TMEM119: variants seen among roughly 807,000 people sequenced by gnomAD.
TMEM119 encodes the protein transmembrane protein 119, also known as osteoblast induction factor.
For synonymous variants in TMEM119, 182 were observed against 176.4 expected (o/e 1.03, Z -0.25); for missense variants, 410 against 381.0 (o/e 1.08, Z -0.63).
At chr12:108,596,591 G>A (rs2031508835) in intron 1 of TMEM119, among the ~76,000 whole-genome samples, 1 of 152,172 alleles carries the variant, frequency 6.6e-6, no homozygotes, top group African/African-American at 2.4e-5. Context: ...ACGTATGGAG[G>A]ACCCAGCCCC....
At position 108,598,020 on chromosome 12, in the gene TMEM119, G is replaced by C. The variant is rs1180977772; in HGVS notation, c.-65C>G. On this transcript the variant is annotated 5_prime_UTR_variant, in exon 1 of 2. Transcript: ENST00000392806. ...TGCTCCCGCCGAATGGAGCGAGAGTGGGGGGCACCTGGGCTGGAAGAGAGA... is the reference window on the plus strand; with the variant it reads ...TGCTCCCGCCGAATGGAGCGAGAGTCGGGGGCACCTGGGCTGGAAGAGAGA... The C allele has an allele frequency of 2.6e-5, 4 of 152,376 alleles. No individual in the cohort carries two copies. The highest frequency in any genetic ancestry group is 5.9e-5 in the Non-Finnish European group (4 of 68,184). The allele number at this position is 152,376 out of a possible 1,614,324, so 9.4% of individuals were successfully genotyped here. A position where few individuals can be genotyped will look rare whatever the true frequency, so the allele number is the denominator to read the frequency against.
In TMEM119 at chr12:108,591,342, G is replaced by T; in HGVS notation, c.*190C>A. The T allele has an allele frequency of 1.6e-6, 1 of 639,278 alleles. No individual in the cohort carries two copies. The highest frequency in any genetic ancestry group is 2.6e-6 in the Non-Finnish European group (1 of 387,978). The allele number at this position is 639,278 out of a possible 1,614,324, so 39.6% of individuals were successfully genotyped here. A position where few individuals can be genotyped will look rare whatever the true frequency, so the allele number is the denominator to read the frequency against. On this transcript the variant is annotated 3_prime_UTR_variant, in exon 2 of 2. Transcript: ENST00000392806. The surrounding 1 kb of genome is among the most constrained non-coding windows in gnomAD (Gnocchi z 4.2). ...GCTGAGGTGAAGGATGATGGCACTT[G>T]GTAAGATTCCTCCGGGGCACCGGGG...
intron 1 of TMEM119, among the ~76,000 whole-genome samples, chr12:108,597,089 C>T (rs1469138112): frequency 6.6e-6 from 1 of 152,216 alleles, no homozygotes; most frequent in African/African-American, 2.4e-5. Flanking sequence ...TGCCAATTAG[C>T]AGGTACCACG....
rs946182364 is a variant in TMEM119 at position 108,592,217 on chromosome 12, G to A, written c.167C>T (p.Pro56Leu). The A allele has an allele frequency of 6.2e-7, 1 of 1,612,866 alleles. No individual in the cohort carries two copies. The highest frequency in any genetic ancestry group is 1.7e-5 in the Admixed American group (1 of 59,946). The change falls in exon 2 of 2, where the codon CCA becomes CTA. Residue 56 changes from proline (P) to leucine (L), a missense_variant. Coordinates refer to ENST00000392806, the MANE Select transcript of TMEM119 (RefSeq NM_181724.3). The surrounding 1 kb of genome is among the most constrained non-coding windows in gnomAD (Gnocchi z 4.3). ...GSSASSPSLP[P>L]PWTPALSPTS... ...GGGGCTGAGGGCCGGGGTCCAGGGT[G>A]GCGGGAGGCTCGGGGAGGAGGCCGA...
intron 1 of TMEM119, among the ~76,000 whole-genome samples, chr12:108,597,126 G>T (rs1177102753): frequency 6.6e-6 from 1 of 152,194 alleles, no homozygotes; most frequent in Non-Finnish European, 1.5e-5. Context: ...CCTGCCTGGG[G>T]ACATGTCAGG....
chr12:108,591,785 A>C lies in TMEM119; in HGVS notation c.599T>G (p.Val200Gly), dbSNP rs776533373. 6.3e-7 allele frequency: 1 copy of C among 1,590,448 alleles called. No individual in the cohort carries two copies. Among genetic ancestry groups the C allele is most frequent in the Non-Finnish European group, 8.6e-7 (1 of 1,167,922 alleles). The change falls in exon 2 of 2, where the codon GTG becomes GGG. Residue 200 changes from valine (V) to glycine (G), a missense_variant. By Grantham distance (109) the Val-to-Gly change is moderately radical. Coordinates refer to ENST00000392806, the MANE Select transcript of TMEM119 (RefSeq NM_181724.3). This position sits in a 1 kb window ranked among gnomAD's most constrained non-coding sequence, Gnocchi z 4.2. ...ALGGGDGARM[V>G]EGRGAEEEEK... The stretch of plus-strand genomic sequence containing the variant: ...CTCTTCCTCTGCGCCCCTGCCCTCC[A>C]CCATCCTGGCTCCGTCCCCACCGCC...
Position 108,592,664 on chromosome 12 carries a change from G to A in TMEM119, c.-14-267C>T, listed in dbSNP as rs993616898. On this transcript the variant is annotated intron_variant, in intron 1 of 1. Transcript: ENST00000392806. The surrounding 1 kb of genome is among the most constrained non-coding windows in gnomAD (Gnocchi z 4.3). ...GCCCCATATCTGGTATTCAGTAAGT[G>A]CTCAATAAATGTACCCTGACTGACG... 1.3e-5 allele frequency among the ~76,000 whole-genome samples: 2 copies of A among 152,044 alleles called. No individual in the cohort carries two copies. The highest frequency in any genetic ancestry group is 2.9e-5 in the Non-Finnish European group (2 of 67,998).
chr12:108,592,273 A>C lies in TMEM119; in HGVS notation c.111T>G (p.Asp37Glu), dbSNP rs954680356. ...CCTCGGCCTCCCCACTACCCGCCAC[A>C]TCCTCCAGGAACGTGGCCTTCAGGG... is the stretch of plus-strand genomic sequence containing the variant. ...SVPLKATFLEDVAGSGEAEGS... is the reference protein window; with the variant it reads ...SVPLKATFLEEVAGSGEAEGS... Residue 37 changes from aspartate (D) to glutamate (E), a missense_variant, in exon 2 of 2, where the codon GAT (aspartate) becomes GAG (glutamate). Coordinates refer to ENST00000392806, the MANE Select transcript of TMEM119 (RefSeq NM_181724.3). The surrounding 1 kb of genome is among the most constrained non-coding windows in gnomAD (Gnocchi z 4.3). 3.7e-6 allele frequency: 6 copies of C among 1,609,946 alleles called. No individual in the cohort carries two copies. Among genetic ancestry groups the C allele is most frequent in the Non-Finnish European group, 5.1e-6 (6 of 1,179,054 alleles).
In TMEM119 at chr12:108,592,918, G is replaced by A. The variant is rs1413479779; in HGVS notation, c.-14-521C>T. Among the ~76,000 whole-genome samples the A allele has an allele frequency of 6.6e-6, 1 of 151,808 alleles. No individual in the cohort carries two copies. Among genetic ancestry groups the A allele is most frequent in the Non-Finnish European group, 1.5e-5 (1 of 67,968 alleles). ...GCAGAGAGGGAGAAATGATAGTAGG[G>A]CTGAGTAAGTGAGAAACCGATTGAG... On this transcript the variant is annotated intron_variant, in intron 1 of 1. Coordinates refer to ENST00000392806, the MANE Select transcript of TMEM119 (RefSeq NM_181724.3). The surrounding 1 kb of genome is among the most constrained non-coding windows in gnomAD (Gnocchi z 4.3).
chr12:108,592,455 G>T lies in TMEM119; in HGVS notation c.-14-58C>A. ...CGGAACTCTAGAGTGTCAGGATTCAGAAACAGGCTCACCAGCCCCCAGGAG... is the reference window on the plus strand; with the variant it reads ...CGGAACTCTAGAGTGTCAGGATTCATAAACAGGCTCACCAGCCCCCAGGAG... On this transcript the variant is annotated intron_variant, in intron 1 of 1. Coordinates refer to ENST00000392806, the MANE Select transcript of TMEM119 (RefSeq NM_181724.3). This position sits in a 1 kb window ranked among gnomAD's most constrained non-coding sequence, Gnocchi z 4.3. 1 of 1,478,830 alleles carries T rather than the reference G, an allele frequency of 6.8e-7. No individual in the cohort carries two copies. Among genetic ancestry groups the T allele is most frequent in the African/African-American group, 1.4e-5 (1 of 71,114 alleles). The allele number at this position is 1,478,830 out of a possible 1,614,324, so 91.6% of individuals were successfully genotyped here.
Position 108,591,534 on chromosome 12 carries a change from A to G in TMEM119, c.850T>C (p.Ter284GlnextTer21). 6.3e-7 allele frequency: 1 copy of G among 1,593,422 alleles called. No individual in the cohort carries two copies. Among genetic ancestry groups the G allele is most frequent in the East Asian group, 2.2e-5 (1 of 44,618 alleles). Residue 284 changes from the stop codon to glutamine (Q), a stop_lost, in exon 2 of 2, where the codon TAA (stop) becomes CAA (glutamine). Coordinates refer to ENST00000392806, the MANE Select transcript of TMEM119 (RefSeq NM_181724.3). The surrounding 1 kb of genome is among the most constrained non-coding windows in gnomAD (Gnocchi z 4.2). ...GGGCTGGCAGCCCGGGAGGACTGTT[A>G]GACACTGGGGTGGACACTGCTGCAA... Reference protein sequence around the residue: ...CACSSVHPSV* With the variant: ...CACSSVHPSVQ
chr12:108,591,900 G>T lies in TMEM119; in HGVS notation c.484C>A (p.Pro162Thr), dbSNP rs2136739855. 1 of 1,612,566 alleles carries T rather than the reference G, an allele frequency of 6.2e-7. No homozygotes were observed. Among genetic ancestry groups the T allele is most frequent in the East Asian group, 2.2e-5 (1 of 44,864 alleles). ...EVPDRAPDSR[P>T]EEALDSSRQL... ...CGGGAGGAATCCAGGGCTTCCTCGG[G>T]CCTGCTGTCGGGGGCTCTGTCGGGG... Residue 162 changes from proline to threonine, a missense_variant, in exon 2 of 2, where the codon CCC (proline) becomes ACC (threonine). Transcript: ENST00000392806. This position sits in a 1 kb window ranked among gnomAD's most constrained non-coding sequence, Gnocchi z 4.2.
intron 1 of TMEM119, among the ~76,000 whole-genome samples, chr12:108,593,409 A>C (rs2031452706): frequency 6.6e-6 from 1 of 151,986 alleles, no homozygotes; most frequent in Non-Finnish European, 1.5e-5. Context: ...GCGCCACTGC[A>C]CACTCCAGCC....
rs1440157677 is a variant in TMEM119, at chr12:108,591,832, C to T, written c.552G>A (p.Lys184=). Residue 184 remains lysine (K), a synonymous_variant, in exon 2 of 2, where the codon AAG becomes AAA. Transcript: ENST00000392806. The surrounding 1 kb of genome is among the most constrained non-coding windows in gnomAD (Gnocchi z 4.2). ...CGCCCAGTGCAGCCCTGGTGGGGGA[C>T]TTGAGGTTCTGGGTGGCGGCCAAGA... ...ADILAATQNL[K]SPTRAALGGG... 1.2e-6 allele frequency: 2 copies of T among 1,601,298 alleles called. No individual in the cohort carries two copies. Among genetic ancestry groups the T allele is most frequent in the Admixed American group, 1.7e-5 (1 of 58,984 alleles).
chr12:108,593,148 A>G (rs1227509581), intron 1 of TMEM119, among the ~76,000 whole-genome samples: 2 of 152,148 alleles, frequency 1.3e-5, no homozygotes, highest in African/African-American at 4.8e-5. Flanking sequence ...TTATTCTGCA[A>G]AAGATTCCTA....
intron 1 of TMEM119, among the ~76,000 whole-genome samples, chr12:108,596,736 TC>T (rs1352175203): frequency 1.3e-5 from 2 of 152,024 alleles, no homozygotes; most frequent in Non-Finnish European, 2.9e-5. Flanking sequence ...TCTGCCTACC[TC>T]CCCCCGGACC....
Position 108,591,441 on chromosome 12 carries a change from C to T in TMEM119, c.*91G>A. 7.1e-7 allele frequency: 1 copy of T among 1,415,982 alleles called. No individual in the cohort carries two copies. The highest frequency in any genetic ancestry group is 1.4e-5 in the South Asian group (1 of 71,248). The allele number at this position is 1,415,982 out of a possible 1,614,324, so 87.7% of individuals were successfully genotyped here. On this transcript the variant is annotated 3_prime_UTR_variant, in exon 2 of 2. Coordinates refer to ENST00000392806, the MANE Select transcript of TMEM119 (RefSeq NM_181724.3). The surrounding 1 kb of genome is among the most constrained non-coding windows in gnomAD (Gnocchi z 4.2). The stretch of plus-strand genomic sequence containing the variant: ...CACAGGGAGGCCAAGGAGGGAGTGT[C>T]AGGAAGCAGTCAGGGCTGAAGGCCT...
Position 108,593,649 on chromosome 12 carries a change from C to T in TMEM119, c.-14-1252G>A, listed in dbSNP as rs568168063. Reference sequence around the variant, plus strand: ...GCTGAGCTGCCGATGCGCCCCGCCCCCACTAGATGGGAACCAGATGAGCCG... The same window carrying T: ...GCTGAGCTGCCGATGCGCCCCGCCCTCACTAGATGGGAACCAGATGAGCCG... On this transcript the variant is annotated intron_variant, in intron 1 of 1. Transcript: ENST00000392806. Among the ~76,000 whole-genome samples, 4 of 152,286 alleles carry T rather than the reference C, an allele frequency of 2.6e-5. No individual in the cohort carries two copies. In the East Asian group the frequency reaches 7.7e-4, roughly 29 times the overall value.
At chr12:108,595,338 A>G (rs1327679667) in intron 1 of TMEM119, among the ~76,000 whole-genome samples, 1 of 146,292 alleles carries the variant, frequency 6.8e-6, no homozygotes, top group Non-Finnish European at 1.5e-5. Context: ...CCATATACAC[A>G]CATGCACAGA....
Sources: allele counts gnomAD v4.1 joint callset (sites outside exome capture counted in the v4.1 genomes callset), GRCh38; gene constraint gnomAD v4.1.1; non-coding constraint Gnocchi (gnomAD v3.1); transcripts MANE v1.5; gene names NCBI Gene and HGNC (gene_info 2026-07-23, HGNC 2026-07-21).